THOC1: variants seen among roughly 807,000 people sequenced by gnomAD.
The protein encoded by THOC1 is THO complex 1.
Under a neutral mutation model 97.3 loss-of-function variants are expected in THOC1, and 29 were observed. That is an observed-to-expected ratio of 0.30 (90% CI 0.22 to 0.41). The LOEUF (loss-of-function observed/expected upper bound fraction) is 0.41. Among genes scored for constraint, THOC1 ranks in the 10% least tolerant of loss-of-function variants. THOC1 has a pLI of 1.00. For missense variants in THOC1, 529 were observed against 761.9 expected (o/e 0.69, Z 3.60); for synonymous variants, 255 against 257.0 (o/e 0.99, Z 0.07).
Position 267,948 on chromosome 18 carries a change from C to T in THOC1, c.54+18G>A, listed in dbSNP as rs774515335. The T allele has an allele frequency of 6.8e-6, 11 of 1,609,222 alleles. No individual in the cohort carries two copies. The highest frequency in any genetic ancestry group is 9.3e-6 in the Non-Finnish European group (11 of 1,177,908). The stretch of plus-strand genomic sequence containing the variant: ...CATAGCGCCGGGTCAGGCCTGCACC[C>T]TCCCCTCTACAGCTCACCGTAAACC... On this transcript the variant is annotated intron_variant, in intron 1 of 20. Transcript: ENST00000261600.
intron 1 of THOC1, among the ~76,000 whole-genome samples, chr18:265,808 CAA>C (rs34672376): frequency 6.9e-5 from 10 of 144,936 alleles, no homozygotes; most frequent in African/African-American, 1.5e-4. Context: ...ATTGTGCTTA[CAA>C]AAAAAAAAAA....
At chr18:265,129 G>T in intron 3 of THOC1, 174 bp downstream of exon 3, 1 of 589,966 alleles carries the variant, frequency 1.7e-6, no homozygotes, top group Non-Finnish European at 2.9e-6. Context: ...AAATGTACCT[G>T]TGCTATCAAA....
intron 15 of THOC1, among the ~76,000 whole-genome samples, chr18:224,505 AGAGGCG>A (rs2143166175): frequency 6.6e-6 from 1 of 151,812 alleles, no homozygotes; most frequent in East Asian, 1.9e-4. Flanking sequence ...CTTGAACCCA[AGAGGCG>A]GAGGCTGCGG....
chr18:244,005 T>C (rs1315904231), intron 11 of THOC1, among the ~76,000 whole-genome samples: 1 of 152,154 alleles, frequency 6.6e-6, no homozygotes, highest in Non-Finnish European at 1.5e-5. Flanking sequence ...CTGCCTCCCT[T>C]TGATCTCTGT....
chr18:256,863 C>T (rs1436748823), intron 7 of THOC1, among the ~76,000 whole-genome samples: 1 of 152,154 alleles, frequency 6.6e-6, no homozygotes. Flanking sequence ...GCAAACTTCA[C>T]TGTGCTATTT....
chr18:223,946 C>T (rs1911181471), intron 16 of THOC1, 138 bp downstream of exon 16: 3 of 669,680 alleles, frequency 4.5e-6, no homozygotes, highest in South Asian at 1.8e-5. Flanking sequence ...GCAGTATAGA[C>T]AGTGCGGTTT....
chr18:223,386 T>A, intron 17 of THOC1, 54 bp downstream of exon 17: 1 of 1,405,148 alleles, frequency 7.1e-7, no homozygotes, highest in South Asian at 1.3e-5. Context: ...AAAGGCTCCA[T>A]TCTACTCAAC....
At chr18:261,739 T>C (rs563630592) in intron 4 of THOC1, among the ~76,000 whole-genome samples, 12 of 152,354 alleles carry the variant, frequency 7.9e-5, no homozygotes, top group Admixed American at 5.2e-4. Flanking sequence ...CTGCCCTTAG[T>C]TGCAGTATAG....
chr18:267,933 G>A, intron 1 of THOC1, 33 bp downstream of exon 1: 1 of 1,593,442 alleles, frequency 6.3e-7, no homozygotes. Flanking sequence ...CATAGCGCCG[G>A]GTCAGGCCTG....
chr18:224,948 C>T lies in THOC1; in HGVS notation c.1184G>A (p.Gly395Asp). Residue 395 changes from glycine to aspartate, a missense_variant, in exon 15 of 21, where the codon GGT becomes GAT. Around this residue, in one of 8 missense-constraint regions of THOC1, gnomAD observed 123 missense variants for 159.0 expected, o/e 0.77. Coordinates refer to ENST00000261600, the MANE Select transcript of THOC1 (RefSeq NM_005131.3). ...CCTTTCTTTCACAAAACTTGGGCAA[C>T]CTTCATTTTTCCACGAGTTCCAGTT... The part of the protein sequence containing the change: ...EENWNSWKNE[G>D]CPSFVKERTS... 1 of 1,574,750 alleles carries T rather than the reference C, an allele frequency of 6.4e-7. No individual in the cohort carries two copies. The highest frequency in any genetic ancestry group is 8.6e-7 in the Non-Finnish European group (1 of 1,157,938).
rs374920332 is a variant in THOC1, at chr18:224,904, T to G, written c.1208+20A>C. On this transcript the variant is annotated intron_variant, in intron 15 of 20. Transcript: ENST00000261600. ...TCTTGTGATGAGTATGTATTTACCT[T>G]TCTTTCAGTATGTATTTACCTTTCT... is the stretch of plus-strand genomic sequence containing the variant. 31 of 1,553,382 alleles carry G rather than the reference T, an allele frequency of 2.0e-5. No individual in the cohort carries two copies. Among genetic ancestry groups the G allele is most frequent in the Non-Finnish European group, 2.4e-5 (28 of 1,144,888 alleles).
chr18:233,556 C>G (rs749214833), intron 11 of THOC1, among the ~76,000 whole-genome samples: 5 of 152,192 alleles, frequency 3.3e-5, no homozygotes, highest in African/African-American at 4.8e-5. Context: ...ACTGCACTCG[C>G]CTGGGCAACA....
chr18:245,372 C>T (rs1370836971), intron 11 of THOC1: 1 of 152,088 alleles, frequency 6.6e-6, no homozygotes. Context: ...GCCCCTGAGT[C>T]CAAAAGTCTA....
chr18:244,477 T>C (rs905840655), intron 11 of THOC1: 3 of 152,188 alleles, frequency 2.0e-5, no homozygotes, highest in Non-Finnish European at 4.4e-5. Flanking sequence ...CGGTATAAAA[T>C]TCTAGATTGA....
intron 10 of THOC1, 74 bp from the exon 11 acceptor site, chr18:246,529 C>A (rs1912093307): frequency 2.3e-5 from 31 of 1,324,772 alleles, no homozygotes; most frequent in Non-Finnish European, 3.2e-5. Context: ...CATCAAAATG[C>A]CTAGAATTTA....
chr18:223,930 C>A (rs1035404293), intron 16 of THOC1, among the ~76,000 whole-genome samples, 154 bp downstream of exon 16: 2 of 152,286 alleles, frequency 1.3e-5, no homozygotes, highest in Non-Finnish European at 2.9e-5. Context: ...TGAACCCACA[C>A]AATGGGCAGT....
chr18:266,611 C>T (rs1295272028), intron 1 of THOC1, among the ~76,000 whole-genome samples: 2 of 149,206 alleles, frequency 1.3e-5, no homozygotes, highest in East Asian at 3.9e-4. Flanking sequence ...GATCTTGGCT[C>T]ACTGCAACCT....
chr18:218,428 T>C, intron 18 of THOC1, among the ~76,000 whole-genome samples: 1 of 151,998 alleles, frequency 6.6e-6, no homozygotes, highest in East Asian at 1.9e-4. Flanking sequence ...TACTCCAAAA[T>C]TTGAGTTAGG....
At chr18:219,882 C>T (rs1312789954) in intron 17 of THOC1, among the ~76,000 whole-genome samples, 1 of 152,068 alleles carries the variant, frequency 6.6e-6, no homozygotes, top group African/African-American at 2.4e-5. Flanking sequence ...TAACCTTTAG[C>T]TCTTATTTAA....
Sources: gnomAD v4.1 joint callset for allele counts (sites outside exome capture counted in the v4.1 genomes callset) on GRCh38, gnomAD v4.1.1 for gene constraint, gnomAD v4.1.1 regional missense constraint, MANE v1.5 for transcripts, NCBI Gene and HGNC (gene_info 2026-07-23, HGNC 2026-07-21) for gene names.